The following MKLN1 variants were observed in gnomAD, a reference collection of about 807,000 sequenced individuals.
The protein encoded by MKLN1 is muskelin 1.
In MKLN1, 18 loss-of-function variants were observed where a neutral mutation model predicts 99.0. That is an observed-to-expected ratio of 0.18 (90% CI 0.13 to 0.27). The LOEUF is 0.27. Ranked by LOEUF, MKLN1 falls within the 10% of genes least tolerant of loss-of-function variation. The probability of loss-of-function intolerance (pLI) is 1.00; values close to 1 mark genes in which losing one functional copy is unlikely to be tolerated. For synonymous variants in MKLN1, 288 were observed against 293.2 expected, an observed-to-expected ratio of 0.98 and a Z score of 0.18; for missense variants, 621 against 875.9, an observed-to-expected ratio of 0.71 and a Z score of 3.67.
intron 3 of MKLN1, among the ~76,000 whole-genome samples, chr7:131,243,364 T>C (rs1259316520): frequency 2.0e-5 from 3 of 152,202 alleles, no homozygotes; most frequent in African/African-American, 4.8e-5. Context: ...AGAACAATGC[T>C]GTTACCGGCC....
At chr7:131,453,335 G>C (rs1440693940) in intron 12 of MKLN1, among the ~76,000 whole-genome samples, 1 of 152,166 alleles carries the variant, frequency 6.6e-6, no homozygotes, top group Non-Finnish European at 1.5e-5. Flanking sequence ...GGATGAAATA[G>C]AGCAGATAGT....
chr7:131,273,013 A>C (rs569443689), intron 3 of MKLN1, among the ~76,000 whole-genome samples: 1 of 152,358 alleles, frequency 6.6e-6, no homozygotes, highest in East Asian at 1.9e-4. Flanking sequence ...CAAAGAGGAA[A>C]GAGAAAGGAT....
At chr7:131,320,720 A>C (rs1798759265) in intron 3 of MKLN1, among the ~76,000 whole-genome samples, 2 of 152,228 alleles carry the variant, frequency 1.3e-5, no homozygotes, top group Admixed American at 1.3e-4. Context: ...AAGGAACTTA[A>C]ACAAATTTTC....
intron 3 of MKLN1, among the ~76,000 whole-genome samples, chr7:131,227,495 C>CTCTTTCTTTCTTTCTTTCCT (rs1797171325): frequency 1.7e-5 from 2 of 115,788 alleles, no homozygotes; most frequent in Admixed American, 2.1e-4. Context: ...CTCTTTCTTT[C>CTCTTTCTTTCTTTCTTTCCT]TCTTTCTTTC....
chr7:131,151,429 A>C (rs554265243), intron 2 of MKLN1, among the ~76,000 whole-genome samples: 1 of 152,320 alleles, frequency 6.6e-6, no homozygotes, highest in South Asian at 2.1e-4. Context: ...AGGAGAAAAA[A>C]AATGAACTGT....
chr7:131,396,221 C>A (rs889757484), intron 4 of MKLN1, among the ~76,000 whole-genome samples: 4 of 151,992 alleles, frequency 2.6e-5, no homozygotes, highest in Admixed American at 2.6e-4. Flanking sequence ...TATAGGCGCA[C>A]GCCACCATGA....
rs1400680712 is a variant in MKLN1, at chr7:131,314,211, G to A, written c.-178-61213G>A. 7.2e-5 allele frequency among the ~76,000 whole-genome samples: 11 copies of A among 152,114 alleles called. No individual in the cohort carries two copies. The South Asian group carries it at 1.9e-3, about 26-fold the overall frequency. ...AAAAGTCAAAGGGATCAGGCGACAC[G>A]ATACAAAAGAGAGCAGAGTTTTGTG... On this transcript the variant is annotated intron_variant, in intron 3 of 7. Coordinates refer to the MKLN1 transcript ENST00000416992.
intron 1 of MKLN1, among the ~76,000 whole-genome samples, chr7:131,364,153 T>G (rs1401463609): frequency 6.6e-6 from 1 of 152,128 alleles, no homozygotes; most frequent in African/African-American, 2.4e-5. Flanking sequence ...AAAAATTGAT[T>G]TAAGAGTTGA....
At position 131,300,705 on chromosome 7, in the gene MKLN1, C is replaced by CA. The variant is rs1246938580; in HGVS notation, c.-178-74714dup. 1.3e-4 allele frequency among the ~76,000 whole-genome samples: 15 copies of CA among 111,550 alleles called. 1 individual carries two copies. The highest frequency in any genetic ancestry group is 4.0e-4 in the African/African-American group (14 of 35,292). The allele number at this position is 111,550 out of a possible 152,430, so 73.2% of individuals were successfully genotyped here. On this transcript the variant is annotated intron_variant, in intron 3 of 7. Coordinates refer to the MKLN1 transcript ENST00000416992. ...CCTGTCTCAAAAAAAAAAAAACAAC[C>CA]AAAAAGAAAAAAAAAGAATGTGGAA... is the stretch of plus-strand genomic sequence containing the variant.
At chr7:131,351,566 G>A (rs1584636642) in intron 1 of MKLN1, among the ~76,000 whole-genome samples, 1 of 151,900 alleles carries the variant, frequency 6.6e-6, no homozygotes, top group Non-Finnish European at 1.5e-5. Context: ...GGCTCAAGTG[G>A]TCCTCCCACC....
chr7:131,260,911 TA>T (rs34718560), intron 3 of MKLN1, among the ~76,000 whole-genome samples: 82,170 of 152,066 alleles, frequency 0.54, 24,207 homozygotes, highest in Admixed American at 0.69. Flanking sequence ...CCCTGTTCAA[TA>T]AATAGTGCTG....
At chr7:131,300,867 GA>G (rs1798368267) in intron 3 of MKLN1, among the ~76,000 whole-genome samples, 1 of 152,178 alleles carries the variant, frequency 6.6e-6, no homozygotes, top group South Asian at 2.1e-4. Flanking sequence ...TGGGAAGGCA[GA>G]AATGGAAATC....
chr7:131,111,310 G>T (rs1220604671), intron 1 of MKLN1, among the ~76,000 whole-genome samples: 1 of 152,116 alleles, frequency 6.6e-6, no homozygotes, highest in Non-Finnish European at 1.5e-5. Context: ...GAATGGCATC[G>T]GGTTAAAGGC....
Position 131,494,339 on chromosome 7 carries a change from A to G in MKLN1, c.*6611A>G, listed in dbSNP as rs962919639. On this transcript the variant is annotated 3_prime_UTR_variant, in exon 18 of 18. Coordinates refer to ENST00000352689, the MANE Select transcript of MKLN1 (RefSeq NM_013255.5). ...CATTGCAACTGGCAGAGCTTTATAA[A>G]TCTTTATAAATTCAGTTACAACAAA... is the stretch of plus-strand genomic sequence containing the variant. 6 of 152,226 alleles carry G rather than the reference A, an allele frequency of 3.9e-5. No individual in the cohort carries two copies. The highest frequency in any genetic ancestry group is 9.6e-5 in the African/African-American group (4 of 41,464). 9.4% of individuals were successfully genotyped at this position (152,226 alleles called of 1,614,324 possible).
At chr7:131,358,763 T>A (rs1199436108) in intron 1 of MKLN1, among the ~76,000 whole-genome samples, 1 of 152,166 alleles carries the variant, frequency 6.6e-6, no homozygotes, top group Non-Finnish European at 1.5e-5. Flanking sequence ...AGTTTGTATC[T>A]TTTAAGGAAT....
chr7:131,220,495 G>A (rs1357191830), intron 3 of MKLN1, among the ~76,000 whole-genome samples: 1 of 152,142 alleles, frequency 6.6e-6, no homozygotes, highest in Non-Finnish European at 1.5e-5. Flanking sequence ...CAGAGAAAGA[G>A]GTTTAATCAT....
chr7:131,231,500 A>G (rs1458194103), intron 3 of MKLN1, among the ~76,000 whole-genome samples: 2 of 152,138 alleles, frequency 1.3e-5, no homozygotes, highest in Non-Finnish European at 2.9e-5. Flanking sequence ...CAGAGAACTG[A>G]CATTAGAACT....
chr7:131,341,889 G>A (rs559416485), intron 1 of MKLN1, among the ~76,000 whole-genome samples: 12 of 152,298 alleles, frequency 7.9e-5, no homozygotes, highest in Admixed American at 3.3e-4. Flanking sequence ...CTAACCCACC[G>A]CCACTCACCT....
At chr7:131,215,993 T>C (rs1375899495) in intron 3 of MKLN1, among the ~76,000 whole-genome samples, 1 of 152,144 alleles carries the variant, frequency 6.6e-6, no homozygotes, top group Non-Finnish European at 1.5e-5. Flanking sequence ...TTAGTTCCCT[T>C]TAAGGAGTCT....
Sources: allele counts gnomAD v4.1 joint callset (sites outside exome capture counted in the v4.1 genomes callset), GRCh38; gene constraint gnomAD v4.1.1; transcripts MANE v1.5; gene names NCBI Gene and HGNC (gene_info 2026-07-23, HGNC 2026-07-21).